Variants in RGS6 observed in about 807,000 individuals in gnomAD.
The protein encoded by RGS6 is regulator of G-protein signaling 6.
In RGS6, 30 loss-of-function variants were observed where a neutral mutation model predicts 78.5. That is an observed-to-expected ratio of 0.38 (90% CI 0.29 to 0.52). RGS6 has a LOEUF of 0.52. RGS6 is among the 20% of genes least tolerant of loss of function. RGS6 has a pLI of 0.85. For missense variants in RGS6, 495 were observed against 609.7 expected (o/e 0.81, Z 1.98); for synonymous variants, 206 against 206.0 (o/e 1.00, Z 0.00).
chr14:72,294,529 G>A (rs112336582), intron 2 of RGS6, among the ~76,000 whole-genome samples: 2 of 152,190 alleles, frequency 1.3e-5, no homozygotes, highest in South Asian at 4.1e-4. Context: ...TTGCTGTAAA[G>A]AAATACCTAA....
chr14:72,492,543 A>G (rs986137690), intron 12 of RGS6, among the ~76,000 whole-genome samples: 1 of 152,210 alleles, frequency 6.6e-6, no homozygotes, highest in Non-Finnish European at 1.5e-5. Context: ...TCTTGTTTCT[A>G]TGACTTACGT....
intron 1 of RGS6, among the ~76,000 whole-genome samples, chr14:71,940,041 A>C (rs773806496): frequency 4.6e-5 from 7 of 152,208 alleles, no homozygotes; most frequent in Non-Finnish European, 8.8e-5. Flanking sequence ...CCACAGGATA[A>C]GTCCAGGGAC....
In RGS6 at chr14:72,560,754, C is replaced by G. The variant is rs185430983; in HGVS notation, c.1423-1663C>G. The stretch of plus-strand genomic sequence containing the variant: ...CCTGCTGCAGGCTAAGTTTAGTGCA[C>G]TTGAAGATTCAGATAAGGTTGCTGA... On this transcript the variant is annotated intron_variant, in intron 17 of 17. Coordinates refer to ENST00000553525, the MANE Select transcript of RGS6 (RefSeq NM_001204424.2). 3.3e-5 allele frequency among the ~76,000 whole-genome samples: 5 copies of G among 151,350 alleles called. No individual in the cohort carries two copies. The East Asian group carries it at 9.7e-4, about 29-fold the overall frequency.
At chr14:72,060,675 T>G (rs924107204) in intron 2 of RGS6, among the ~76,000 whole-genome samples, 1 of 152,212 alleles carries the variant, frequency 6.6e-6, no homozygotes. Context: ...TTACACCAAG[T>G]GCCTACAAAA....
chr14:71,899,342 A>G, the RGS6 span, among the ~76,000 whole-genome samples: 1 of 152,156 alleles, frequency 6.6e-6, no homozygotes, highest in Non-Finnish European at 1.5e-5. Flanking sequence ...GCAGGGTTCC[A>G]CCAATTTCAG....
the RGS6 span, among the ~76,000 whole-genome samples, chr14:71,892,946 C>G: frequency 1.3e-5 from 2 of 152,220 alleles, no homozygotes; most frequent in African/African-American, 4.8e-5. Flanking sequence ...AGAGATGGCC[C>G]AAGCCAGCTT....
intron 3 of RGS6, among the ~76,000 whole-genome samples, chr14:72,414,810 A>T (rs890111842): frequency 6.6e-6 from 1 of 152,136 alleles, no homozygotes; most frequent in Non-Finnish European, 1.5e-5. Flanking sequence ...AGTTTGCTGG[A>T]GGTCCACTCC....
At chr14:72,510,094 T>A in intron 13 of RGS6, 60 bp from the exon 14 acceptor site, 1 of 1,518,884 alleles carries the variant, frequency 6.6e-7, no homozygotes, top group African/African-American at 1.4e-5. Context: ...CTGAAGAGAA[T>A]ATGACACGAG....
In RGS6 at chr14:71,950,042, A is replaced by G. The variant is rs557888577; in HGVS notation, c.-20-14730A>G. On this transcript the variant is annotated intron_variant, in intron 1 of 17. Coordinates refer to ENST00000553525, the MANE Select transcript of RGS6 (RefSeq NM_001204424.2). Reference sequence around the variant, plus strand: ...TTTCTATTTCTCTAATATAATATTGATAACGCACTGTCTTAATTACGTGAG... The same window carrying G: ...TTTCTATTTCTCTAATATAATATTGGTAACGCACTGTCTTAATTACGTGAG... Among the ~76,000 whole-genome samples the G allele has an allele frequency of 3.3e-5, 5 of 152,294 alleles. No homozygotes were observed. In the South Asian group the frequency reaches 1.0e-3, roughly 32 times the overall value.
intron 2 of RGS6, among the ~76,000 whole-genome samples, chr14:72,257,401 C>T (rs1403325231): frequency 1.3e-5 from 2 of 152,116 alleles, no homozygotes; most frequent in African/African-American, 4.8e-5. Flanking sequence ...TATCCTGAAG[C>T]TTCATTGCAG....
intron 2 of RGS6, among the ~76,000 whole-genome samples, chr14:72,216,556 C>T (rs1044969446): frequency 6.6e-6 from 1 of 152,156 alleles, no homozygotes; most frequent in Non-Finnish European, 1.5e-5. Flanking sequence ...ATTTAAAGAT[C>T]ATTTCACTAA....
chr14:72,362,931 G>A (rs762224957), intron 3 of RGS6, among the ~76,000 whole-genome samples: 20 of 152,166 alleles, frequency 1.3e-4, no homozygotes, highest in Non-Finnish European at 2.6e-4. Flanking sequence ...GTCATTCCAC[G>A]TAGAGAAAAT....
chr14:72,547,074 G>A, intron 17 of RGS6: 2 of 1,135,030 alleles, frequency 1.8e-6, no homozygotes, highest in South Asian at 2.8e-5. Flanking sequence ...AAGGCAGAGA[G>A]TGAAGGGGAG....
intron 2 of RGS6, among the ~76,000 whole-genome samples, chr14:72,105,505 GT>G (rs1455568230): frequency 2.0e-5 from 3 of 152,068 alleles, no homozygotes; most frequent in Admixed American, 2.0e-4. Context: ...GCATAACCAA[GT>G]TTTTTTCTGA....
intron 2 of RGS6, among the ~76,000 whole-genome samples, chr14:72,161,860 G>A (rs1433583712): frequency 6.6e-6 from 1 of 152,226 alleles, no homozygotes; most frequent in Non-Finnish European, 1.5e-5. Context: ...TTGTATAATG[G>A]TGCTTCTATT....
chr14:71,976,261 AT>A (rs1274332081), intron 2 of RGS6, among the ~76,000 whole-genome samples: 5 of 123,826 alleles, frequency 4.0e-5, no homozygotes, highest in Non-Finnish European at 7.1e-5. Flanking sequence ...TTTATTTTTT[AT>A]TTTTTTTAAT....
chr14:72,612,603 G>C, the RGS6 span: 17 of 518,878 alleles, frequency 3.3e-5, no homozygotes, highest in Non-Finnish European at 5.4e-5. Context: ...AGGGAAGGGA[G>C]AGGGCAGGAG....
chr14:72,285,191 G>A (rs1348900375), intron 2 of RGS6, among the ~76,000 whole-genome samples: 1 of 152,152 alleles, frequency 6.6e-6, no homozygotes, highest in African/African-American at 2.4e-5. Flanking sequence ...GTGAGGGCAT[G>A]GTTGGCTTTG....
intron 15 of RGS6, among the ~76,000 whole-genome samples, chr14:72,531,161 G>A (rs776785431): frequency 1.3e-5 from 2 of 152,150 alleles, no homozygotes; most frequent in African/African-American, 2.4e-5. Flanking sequence ...GGCTGGGCGC[G>A]GTGGCTCACG....
Sources: allele counts gnomAD v4.1 joint callset (sites outside exome capture counted in the v4.1 genomes callset), GRCh38; gene constraint gnomAD v4.1.1; transcripts MANE v1.5; gene names NCBI Gene and HGNC (gene_info 2026-07-23, HGNC 2026-07-21).